Variants in GPC5 observed in about 807,000 individuals in gnomAD.
The protein encoded by GPC5 is glypican-5.
Under a neutral mutation model 53.9 loss-of-function variants are expected in GPC5, and 47 were observed. That is an observed-to-expected ratio of 0.87 (90% confidence interval 0.69 to 1.11). GPC5 has a LOEUF of 1.11. GPC5 is among the 50% of genes most tolerant of loss of function. The probability of loss-of-function intolerance (pLI) is 0.00; values close to 1 mark genes in which losing one functional copy is unlikely to be tolerated. For missense variants in GPC5, 748 were observed against 713.1 expected, an observed-to-expected ratio of 1.05 and a Z score of -0.56; for synonymous variants, 286 against 263.3, an observed-to-expected ratio of 1.09 and a Z score of -0.84.
At chr13:92,684,436 A>G (rs1436840422) in intron 7 of GPC5, among the ~76,000 whole-genome samples, 1 of 151,674 alleles carries the variant, frequency 6.6e-6, no homozygotes, top group Non-Finnish European at 1.5e-5. Context: ...ATGCCCAGCT[A>G]ATTTTTGTAT....
chr13:91,730,303 C>T (rs2036668722), intron 4 of GPC5, among the ~76,000 whole-genome samples: 1 of 152,182 alleles, frequency 6.6e-6, no homozygotes, highest in Non-Finnish European at 1.5e-5. Flanking sequence ...GATTATTCCC[C>T]ATGAGGTCAT....
chr13:92,205,568 G>A (rs1028009999), intron 7 of GPC5, among the ~76,000 whole-genome samples: 2 of 152,280 alleles, frequency 1.3e-5, no homozygotes, highest in Middle Eastern at 6.8e-3. Flanking sequence ...CTTTGGGCAA[G>A]GACAAATTCT....
intron 7 of GPC5, among the ~76,000 whole-genome samples, chr13:92,724,309 A>G (rs532926598): frequency 2.0e-5 from 3 of 151,670 alleles, no homozygotes; most frequent in African/African-American, 7.2e-5. Flanking sequence ...CTTAGAAAAG[A>G]TATCAGGCAC....
At chr13:92,702,265 A>G (rs952545490) in intron 7 of GPC5, among the ~76,000 whole-genome samples, 4 of 152,096 alleles carry the variant, frequency 2.6e-5, no homozygotes, top group Non-Finnish European at 5.9e-5. Flanking sequence ...GTGTGGCTTT[A>G]AATCCATATG....
intron 5 of GPC5, among the ~76,000 whole-genome samples, chr13:91,846,184 C>T (rs760582340): frequency 5.9e-4 from 90 of 151,782 alleles, no homozygotes; most frequent in Non-Finnish European, 1.2e-3. Flanking sequence ...GTTTATATAC[C>T]CTGGCATGCC....
At chr13:91,691,661 A>G (rs2035760187) in intron 2 of GPC5, among the ~76,000 whole-genome samples, 2 of 152,308 alleles carry the variant, frequency 1.3e-5, no homozygotes, top group South Asian at 4.1e-4. Flanking sequence ...ATCAATGTGA[A>G]TTAGATCAGT....
chr13:92,096,015 G>A (rs2041419463), intron 6 of GPC5, among the ~76,000 whole-genome samples: 1 of 152,166 alleles, frequency 6.6e-6, no homozygotes, highest in Non-Finnish European at 1.5e-5. Flanking sequence ...GGCACATGTT[G>A]GGACCACAAC....
intron 2 of GPC5, among the ~76,000 whole-genome samples, chr13:91,517,229 C>T (rs992354774): frequency 1.3e-4 from 20 of 152,176 alleles, no homozygotes; most frequent in African/African-American, 4.3e-4. Context: ...ATTTTCCAAA[C>T]TTTTATGCTC....
At chr13:91,466,219 A>G (rs34935939) in intron 2 of GPC5, among the ~76,000 whole-genome samples, 16,737 of 152,224 alleles carry the variant, frequency 0.11, 1,207 homozygotes, top group Non-Finnish European at 0.16. Flanking sequence ...CCAGAAAATT[A>G]GCGTAAAAGT....
chr13:92,420,274 C>T (rs1333211379), intron 7 of GPC5, among the ~76,000 whole-genome samples: 1 of 152,076 alleles, frequency 6.6e-6, no homozygotes, highest in Non-Finnish European at 1.5e-5. Flanking sequence ...CCAGCCTAAA[C>T]ATAGGTAAGA....
chr13:92,178,876 CAGG>C (rs1472214243), intron 7 of GPC5, among the ~76,000 whole-genome samples: 1 of 152,096 alleles, frequency 6.6e-6, no homozygotes, highest in East Asian at 1.9e-4. Flanking sequence ...GAGGCTGAAG[CAGG>C]AGAATCGCTT....
intron 7 of GPC5, among the ~76,000 whole-genome samples, chr13:92,170,119 CAT>C (rs1399244286): frequency 3.3e-5 from 5 of 151,632 alleles, no homozygotes; most frequent in South Asian, 2.1e-4. Context: ...ATAAAACTAA[CAT>C]ATTGAAAGAA....
At chr13:92,268,729 G>GT (rs34115312) in intron 7 of GPC5, among the ~76,000 whole-genome samples, 52,403 of 151,728 alleles carry the variant, frequency 0.35, 9,690 homozygotes, top group African/African-American at 0.48. Context: ...GATTTGGACT[G>GT]GAGACAAATA....
At chr13:92,679,823 C>T (rs886412890) in intron 7 of GPC5, among the ~76,000 whole-genome samples, 2 of 152,082 alleles carry the variant, frequency 1.3e-5, no homozygotes, top group Non-Finnish European at 2.9e-5. Flanking sequence ...CATGCACTCT[C>T]TCTCGCTCGC....
chr13:92,837,078 A>C (rs769223967), intron 7 of GPC5, among the ~76,000 whole-genome samples: 12 of 152,212 alleles, frequency 7.9e-5, no homozygotes, highest in Non-Finnish European at 1.6e-4. Context: ...GGTAAAAAGA[A>C]AACCTTGCAA....
At chr13:92,582,469 A>T (rs9523719) in intron 7 of GPC5, among the ~76,000 whole-genome samples, 21,776 of 152,054 alleles carry the variant, frequency 0.14, 2,071 homozygotes, top group Non-Finnish European at 0.21. Context: ...GTTCATTTTG[A>T]TCAAGTTACT....
At chr13:92,157,379 C>A (rs2041952312) in intron 7 of GPC5, among the ~76,000 whole-genome samples, 1 of 152,104 alleles carries the variant, frequency 6.6e-6, no homozygotes, top group South Asian at 2.1e-4. Flanking sequence ...TAGGAGTGAG[C>A]TTGGTCAATG....
intron 1 of GPC5, among the ~76,000 whole-genome samples, chr13:91,437,827 G>A (rs891582520): frequency 1.3e-5 from 2 of 152,124 alleles, no homozygotes; most frequent in African/African-American, 4.8e-5. Flanking sequence ...TTTTCACATA[G>A]TCCCATATTT....
intron 2 of GPC5, among the ~76,000 whole-genome samples, chr13:91,612,042 A>G (rs188022823): frequency 1.3e-5 from 2 of 152,286 alleles, no homozygotes; most frequent in East Asian, 1.9e-4. Flanking sequence ...GGAGAAGCCT[A>G]TCTGTTATTC....
Sources: gnomAD v4.1 joint callset for allele counts (sites outside exome capture counted in the v4.1 genomes callset) on GRCh38, gnomAD v4.1.1 for gene constraint, MANE v1.5 for transcripts, NCBI Gene and HGNC (gene_info 2026-07-23, HGNC 2026-07-21) for gene names.